Variants in SLC12A2 observed in about 807,000 individuals in gnomAD.
The protein encoded by SLC12A2 is Na-K-2Cl cotransporter 1.
A neutral mutation model predicts 136.3 loss-of-function variants in SLC12A2; 67 were observed. The ratio of observed to expected loss-of-function variants is 0.49; its 90% CI spans 0.40 to 0.60. The LOEUF (loss-of-function observed/expected upper bound fraction) is 0.60, where lower values mean the gene tolerates loss of function less well. Ranked by LOEUF, SLC12A2 falls within the 20% of genes least tolerant of loss-of-function variation. The probability of loss-of-function intolerance (pLI) is 0.00; values close to 1 mark genes in which losing one functional copy is unlikely to be tolerated. For missense variants in SLC12A2, 1,322 were observed against 1,534.7 expected (o/e 0.86, Z 2.32); for synonymous variants, 619 against 562.9 (o/e 1.10, Z -1.41).
intron 17 of SLC12A2, among the ~76,000 whole-genome samples, chr5:128,166,688 G>A (rs914527990): frequency 2.0e-5 from 3 of 151,990 alleles, no homozygotes; most frequent in Non-Finnish European, 2.9e-5. Context: ...AAGGGTTATA[G>A]AATTTCTGTT....
chr5:128,179,223 C>G lies in SLC12A2; in HGVS notation c.3100+534C>G, dbSNP rs375083324. Among the ~76,000 whole-genome samples the G allele has an allele frequency of 1.8e-4, 28 of 152,330 alleles. No homozygotes were observed. The East Asian group carries it at 3.9e-3, about 21-fold the overall frequency. Reference sequence around the variant, plus strand: ...ATTACTCTGAGACTATGTAAATACACTATTCTTGCAGCCTTCACCACTATC... The same window carrying G: ...ATTACTCTGAGACTATGTAAATACAGTATTCTTGCAGCCTTCACCACTATC... On this transcript the variant is annotated intron_variant, in intron 22 of 26. Transcript: ENST00000262461.
chr5:128,090,867 G>T (rs1450444684), intron 1 of SLC12A2, among the ~76,000 whole-genome samples: 1 of 152,174 alleles, frequency 6.6e-6, no homozygotes, highest in Non-Finnish European at 1.5e-5. Flanking sequence ...AAGTCAGGGG[G>T]TAGTGAGGAC....
chr5:128,152,593 C>T (rs1368705023), intron 14 of SLC12A2, 113 bp from the exon 15 acceptor site: 1 of 716,106 alleles, frequency 1.4e-6, no homozygotes, highest in Non-Finnish European at 2.6e-6. Flanking sequence ...TAGTGTATTT[C>T]AGCAATTGAC....
At position 128,084,950 on chromosome 5, in the gene SLC12A2, C is replaced by G. The variant is rs1243208260; in HGVS notation, c.756+240C>G. On this transcript the variant is annotated intron_variant, in intron 1 of 26. Coordinates refer to ENST00000262461, the MANE Select transcript of SLC12A2 (RefSeq NM_001046.3). This position sits in a 1 kb window ranked among gnomAD's most constrained non-coding sequence, Gnocchi z 5.6. Reference sequence around the variant, plus strand: ...GGAGGGCTGCCTCTAACAACCTTCCCCATCCAGTTAGGTATCTCGTGTGCA... The same window carrying G: ...GGAGGGCTGCCTCTAACAACCTTCCGCATCCAGTTAGGTATCTCGTGTGCA... Among the ~76,000 whole-genome samples, 1 of 150,272 alleles carries G rather than the reference C, an allele frequency of 6.7e-6. No homozygotes were observed. Among genetic ancestry groups the G allele is most frequent in the East Asian group, 1.9e-4 (1 of 5,152 alleles).
intron 20 of SLC12A2, among the ~76,000 whole-genome samples, chr5:128,176,037 C>T (rs115814737): frequency 0.017 from 2,545 of 151,710 alleles, 48 homozygotes; most frequent in Middle Eastern, 0.044. Context: ...ACTATAGAAA[C>T]GTTTATACAT....
At chr5:128,136,378 A>T (rs1213857536) in intron 7 of SLC12A2, among the ~76,000 whole-genome samples, 2 of 152,068 alleles carry the variant, frequency 1.3e-5, no homozygotes, top group Non-Finnish European at 2.9e-5. Context: ...TATATTACTT[A>T]GTGGTGTTAG....
intron 19 of SLC12A2, among the ~76,000 whole-genome samples, chr5:128,172,840 G>A (rs929093872): frequency 6.6e-6 from 1 of 151,914 alleles, no homozygotes; most frequent in African/African-American, 2.4e-5. Context: ...AATCCCAGAT[G>A]TTTGGGAAGC....
chr5:128,141,031 ATCT>A (rs1345972354), intron 9 of SLC12A2, among the ~76,000 whole-genome samples: 2 of 152,202 alleles, frequency 1.3e-5, no homozygotes, highest in Non-Finnish European at 2.9e-5. Context: ...GAAAGTAAAA[ATCT>A]TTAAAGTATA....
Position 128,133,629 on chromosome 5 carries a change from C to T in SLC12A2, c.1189-536C>T, listed in dbSNP as rs112763964. On this transcript the variant is annotated intron_variant, in intron 5 of 26. Coordinates refer to ENST00000262461, the MANE Select transcript of SLC12A2 (RefSeq NM_001046.3). Reference sequence around the variant, plus strand: ...TGATAAATAGCTTTTGCTTAGTTAACTGGGATATCATAATCTTTAATTTTA... The same window carrying T: ...TGATAAATAGCTTTTGCTTAGTTAATTGGGATATCATAATCTTTAATTTTA... Among the ~76,000 whole-genome samples, 218 of 152,016 alleles carry T rather than the reference C, an allele frequency of 1.4e-3. 1 individual carries two copies. The highest frequency in any genetic ancestry group is 5.1e-3 in the African/African-American group (211 of 41,504).
chr5:128,136,787 C>G (rs979540212), intron 7 of SLC12A2, among the ~76,000 whole-genome samples: 2 of 152,136 alleles, frequency 1.3e-5, no homozygotes, highest in African/African-American at 4.8e-5. Context: ...TACACTCTCC[C>G]TTGGGTGGTG....
At chr5:128,138,540 G>A (rs1417282930) in intron 7 of SLC12A2, 57 bp from the exon 8 acceptor site, 75 of 1,511,920 alleles carry the variant, frequency 5.0e-5, no homozygotes, top group Non-Finnish European at 6.7e-5. Flanking sequence ...CTTGACCTCA[G>A]TTATTATAGT....
chr5:128,104,299 A>G (rs569834249), intron 1 of SLC12A2, among the ~76,000 whole-genome samples: 1 of 152,338 alleles, frequency 6.6e-6, no homozygotes. Context: ...TTCCAAAGTT[A>G]AATAACACAA....
At chr5:128,173,577 A>C (rs560633700) in intron 19 of SLC12A2, among the ~76,000 whole-genome samples, 1 of 152,216 alleles carries the variant, frequency 6.6e-6, no homozygotes, top group Non-Finnish European at 1.5e-5. Context: ...AATCTGCTTT[A>C]AAAATATCAG....
intron 10 of SLC12A2, among the ~76,000 whole-genome samples, chr5:128,144,618 C>T (rs1321411310): frequency 1.3e-5 from 2 of 152,162 alleles, no homozygotes; most frequent in East Asian, 1.9e-4. Flanking sequence ...CTAAATCAGT[C>T]AGAGCCCTTC....
chr5:128,102,305 T>C (rs1175260737), intron 1 of SLC12A2, among the ~76,000 whole-genome samples: 1 of 152,110 alleles, frequency 6.6e-6, no homozygotes. Context: ...GATCAAGAAA[T>C]AGAATGTTGC....
intron 20 of SLC12A2, 42 bp downstream of exon 20, chr5:128,174,708 T>C: frequency 7.0e-7 from 1 of 1,428,006 alleles, no homozygotes; most frequent in South Asian, 1.3e-5. Context: ...ATAGTAATGT[T>C]TTAATTTGGG....
intron 4 of SLC12A2, among the ~76,000 whole-genome samples, chr5:128,129,785 T>G (rs1046877234): frequency 2.0e-5 from 3 of 152,198 alleles, no homozygotes; most frequent in Non-Finnish European, 4.4e-5. Flanking sequence ...TTCAGTAGTA[T>G]TAAAACCAAG....
In SLC12A2 at chr5:128,180,890, C is replaced by T. The variant is rs754420099; in HGVS notation, c.3108C>T (p.Thr1036=). ...TACATTTTTATAATTCAGGTTTGAC[C>T]TTATTGATACCTTACCTTCTGACGA... ...VWWLFDDGGL[T]LLIPYLLTTK... The change falls in exon 23 of 27, where the codon ACC becomes ACT. Residue 1036 remains threonine (T), a synonymous_variant. Coordinates refer to ENST00000262461, the MANE Select transcript of SLC12A2 (RefSeq NM_001046.3). 2.3e-5 allele frequency: 37 copies of T among 1,578,726 alleles called. No homozygotes were observed. The highest frequency in any genetic ancestry group is 3.0e-5 in the Non-Finnish European group (35 of 1,149,962).
intron 1 of SLC12A2, among the ~76,000 whole-genome samples, chr5:128,092,294 A>G (rs954133502): frequency 3.3e-5 from 5 of 152,194 alleles, no homozygotes; most frequent in Non-Finnish European, 2.9e-5. Flanking sequence ...TAATGGAACC[A>G]TTGCAGTAGC....
Sources: allele counts gnomAD v4.1 joint callset (sites outside exome capture counted in the v4.1 genomes callset), GRCh38; gene constraint gnomAD v4.1.1; non-coding constraint Gnocchi (gnomAD v3.1); transcripts MANE v1.5; gene names NCBI Gene and HGNC (gene_info 2026-07-23, HGNC 2026-07-21).